DGKB: variants seen among roughly 807,000 people sequenced by gnomAD.
DGKB encodes 90 kDa diacylglycerol kinase.
DGKB carries 67 observed loss-of-function variants against 114.3 expected under a neutral mutation model. The ratio of observed to expected loss-of-function variants is 0.59; its 90% CI spans 0.48 to 0.72. DGKB has a LOEUF of 0.72. Among genes scored for constraint, DGKB ranks in the 30% least tolerant of loss-of-function variants. The pLI is 0.00. For missense variants in DGKB, 907 were observed against 975.2 expected, an observed-to-expected ratio of 0.93 and a Z score of 0.93; for synonymous variants, 398 against 323.1, an observed-to-expected ratio of 1.23 and a Z score of -2.49.
rs183040793 is a variant in DGKB, at chr7:14,670,509, G to A, written c.1134+2420C>T. ...AGTTGAGATGGGGTTTCACCATGTT[G>A]GCCAGGGGGGGTCTTGAACTCCTGA... is the stretch of plus-strand genomic sequence containing the variant. On this transcript the variant is annotated intron_variant, in intron 13 of 25. Coordinates refer to ENST00000402815, the MANE Select transcript of DGKB (RefSeq NM_001350709.2). Among the ~76,000 whole-genome samples, 227 of 151,960 alleles carry A rather than the reference G, an allele frequency of 1.5e-3. 1 individual carries two copies. The highest frequency in any genetic ancestry group is 5.1e-3 in the African/African-American group (212 of 41,422).
chr7:14,349,462 C>T (rs187155351), intron 21 of DGKB, among the ~76,000 whole-genome samples: 20 of 152,124 alleles, frequency 1.3e-4, no homozygotes, highest in Middle Eastern at 3.4e-3. Context: ...TTCCTCACAG[C>T]GTAATTAGCA....
At chr7:14,422,882 G>A (rs1316739237) in intron 21 of DGKB, among the ~76,000 whole-genome samples, 1 of 151,916 alleles carries the variant, frequency 6.6e-6, no homozygotes, top group East Asian at 1.9e-4. Context: ...CACCTCACTG[G>A]TATGCGGTTA....
At chr7:14,453,675 A>C (rs2128848915) in intron 21 of DGKB, among the ~76,000 whole-genome samples, 1 of 152,252 alleles carries the variant, frequency 6.6e-6, no homozygotes, top group Non-Finnish European at 1.5e-5. Flanking sequence ...TTCATCTATC[A>C]CAGGAGTAGT....
chr7:14,520,934 C>T (rs184119350), intron 20 of DGKB, among the ~76,000 whole-genome samples: 1 of 152,014 alleles, frequency 6.6e-6, no homozygotes, highest in Non-Finnish European at 1.5e-5. Context: ...TTATGTTCAT[C>T]CAATTTCATC....
intron 1 of DGKB, among the ~76,000 whole-genome samples, chr7:14,930,033 A>G (rs1025304503): frequency 2.0e-5 from 3 of 152,040 alleles, no homozygotes; most frequent in African/African-American, 7.2e-5. Context: ...CTTGGCTGAG[A>G]ATATGTGGCT....
At chr7:14,572,466 A>C (rs946688044) in intron 20 of DGKB, among the ~76,000 whole-genome samples, 1 of 151,960 alleles carries the variant, frequency 6.6e-6, no homozygotes, top group African/African-American at 2.4e-5. Context: ...AAAAAGAAAA[A>C]AAAAAGAATA....
At chr7:14,599,698 T>C (rs1222459269) in intron 17 of DGKB, among the ~76,000 whole-genome samples, 3 of 152,230 alleles carry the variant, frequency 2.0e-5, no homozygotes, top group Non-Finnish European at 2.9e-5. Flanking sequence ...AGAGTTATTA[T>C]CCGTTTTGTT....
chr7:14,274,497 C>T (rs1363132486), intron 23 of DGKB, among the ~76,000 whole-genome samples: 2 of 152,086 alleles, frequency 1.3e-5, no homozygotes, highest in Non-Finnish European at 2.9e-5. Context: ...CACTTGATAC[C>T]TTTCCGCATT....
At chr7:14,630,663 T>C (rs186999424) in intron 13 of DGKB, among the ~76,000 whole-genome samples, 2 of 152,210 alleles carry the variant, frequency 1.3e-5, no homozygotes, top group African/African-American at 4.8e-5. Context: ...CTAAAAATAC[T>C]GTGTCTTTTG....
intron 20 of DGKB, among the ~76,000 whole-genome samples, chr7:14,507,709 G>A (rs1006435716): frequency 6.6e-6 from 1 of 152,120 alleles, no homozygotes; most frequent in African/African-American, 2.4e-5. Flanking sequence ...ACGTCTTGCA[G>A]CATTCTATGT....
Position 14,922,296 on chromosome 7 carries a change from T to A in DGKB, c.-188+52400A>T, listed in dbSNP as rs111708178. On this transcript the variant is annotated intron_variant, in intron 1 of 4. Coordinates refer to the DGKB transcript ENST00000437998. Reference sequence around the variant, plus strand: ...TAGATTCCAGGGATGGGGTGCCATGTACGTCTATACTCCCACTGTCTCTAG... The same window carrying A: ...TAGATTCCAGGGATGGGGTGCCATGAACGTCTATACTCCCACTGTCTCTAG... Among the ~76,000 whole-genome samples the A allele has an allele frequency of 7.2e-5, 11 of 152,166 alleles. 2 individuals are homozygous for A. Among genetic ancestry groups the A allele is most frequent in the African/African-American group, 2.4e-4 (10 of 41,550 alleles).
At chr7:14,531,135 T>A (rs1791519077) in intron 20 of DGKB, among the ~76,000 whole-genome samples, 1 of 151,508 alleles carries the variant, frequency 6.6e-6, no homozygotes, top group East Asian at 1.9e-4. Context: ...CCAAAGGGAA[T>A]GCTGACTTTT....
intron 21 of DGKB, among the ~76,000 whole-genome samples, chr7:14,379,379 C>T (rs925271960): frequency 1.3e-5 from 2 of 150,834 alleles, no homozygotes; most frequent in Non-Finnish European, 2.9e-5. Flanking sequence ...CATCATTAGG[C>T]GACTCAAAGA....
At chr7:14,570,991 T>G (rs1236988231) in intron 20 of DGKB, among the ~76,000 whole-genome samples, 4 of 152,162 alleles carry the variant, frequency 2.6e-5, no homozygotes, top group Non-Finnish European at 5.9e-5. Flanking sequence ...TGTTGTCCCA[T>G]GCAGTAAGCG....
intron 23 of DGKB, among the ~76,000 whole-genome samples, chr7:14,307,113 C>T (rs1007914685): frequency 1.4e-4 from 17 of 125,316 alleles, no homozygotes; most frequent in Middle Eastern, 3.9e-3. Context: ...TTGAATCTAC[C>T]ACATTTCTTG....
chr7:14,564,505 T>A (rs1281162924), intron 20 of DGKB, among the ~76,000 whole-genome samples: 1 of 152,148 alleles, frequency 6.6e-6, no homozygotes, highest in African/African-American at 2.4e-5. Context: ...TGTAAAAGAT[T>A]TCTGAAGCTA....
chr7:14,532,896 G>C (rs933895993), intron 20 of DGKB, among the ~76,000 whole-genome samples: 1 of 151,656 alleles, frequency 6.6e-6, no homozygotes, highest in Non-Finnish European at 1.5e-5. Flanking sequence ...ATAAGTGAAA[G>C]TCTTTCCTTG....
intron 21 of DGKB, among the ~76,000 whole-genome samples, chr7:14,403,202 C>G (rs1823404054): frequency 6.6e-6 from 1 of 151,668 alleles, no homozygotes; most frequent in Non-Finnish European, 1.5e-5. Flanking sequence ...AACACAGACT[C>G]TCTCTTTTAA....
intron 21 of DGKB, among the ~76,000 whole-genome samples, chr7:14,432,509 C>A (rs553012376): frequency 6.6e-6 from 1 of 152,288 alleles, no homozygotes; most frequent in South Asian, 2.1e-4. Flanking sequence ...CATTTATTAT[C>A]CTACTTCTAC....
Sources: allele counts gnomAD v4.1 joint callset (sites outside exome capture counted in the v4.1 genomes callset), GRCh38; gene constraint gnomAD v4.1.1; transcripts MANE v1.5; gene names NCBI Gene and HGNC (gene_info 2026-07-23, HGNC 2026-07-21).